The following NBPF3 variants were observed in gnomAD, a reference collection of about 807,000 sequenced individuals.
The protein encoded by NBPF3 is NBPF family member NBPF3.
Under a neutral mutation model 78.1 loss-of-function variants are expected in NBPF3, and 57 were observed. That is an observed-to-expected ratio of 0.73 (90% CI 0.59 to 0.91). The LOEUF is 0.91. NBPF3 is among the 40% of genes least tolerant of loss of function. NBPF3 has a pLI of 0.00. For synonymous variants in NBPF3, 182 were observed against 271.7 expected, an observed-to-expected ratio of 0.67 and a Z score of 3.25; for missense variants, 510 against 715.3, an observed-to-expected ratio of 0.71 and a Z score of 3.27.
rs551647037 is a variant in NBPF3 at position 21,458,044 on chromosome 1, A to G, written c.134-10644A>G. Among the ~76,000 whole-genome samples the G allele has an allele frequency of 3.5e-4, 53 of 152,366 alleles. 1 individual carries two copies. Among genetic ancestry groups the G allele is most frequent in the Non-Finnish European group, 3.5e-4 (24 of 68,038 alleles). Reference sequence around the variant, plus strand: ...AGAAGTGATTAAGTTCTTCTAATCTATAACTAAGGTCTGAGTCCTGAAGAC... The same window carrying G: ...AGAAGTGATTAAGTTCTTCTAATCTGTAACTAAGGTCTGAGTCCTGAAGAC... On this transcript the variant is annotated intron_variant, in intron 2 of 14. Coordinates refer to ENST00000318249, the MANE Select transcript of NBPF3 (RefSeq NM_032264.6).
intron 2 of NBPF3, chr1:21,446,000 T>C (rs909627251): frequency 6.6e-6 from 1 of 152,462 alleles, no homozygotes; most frequent in Non-Finnish European, 1.5e-5. Context: ...GAAAGGGGCA[T>C]GGCCCGTTTG....
intron 2 of NBPF3, chr1:21,446,486 C>CTTCT (rs1640983559): frequency 1.3e-5 from 2 of 148,840 alleles, no homozygotes; most frequent in Non-Finnish European, 3.0e-5. Context: ...TCCTTCCTTC[C>CTTCT]TTCCTTCCCT....
chr1:21,465,314 C>T (rs200904420), intron 2 of NBPF3, among the ~76,000 whole-genome samples: 23 of 151,658 alleles, frequency 1.5e-4, no homozygotes, highest in African/African-American at 5.1e-4. Flanking sequence ...AAATTGACTG[C>T]ACATCTGAGT....
At chr1:21,471,855 C>T in intron 5 of NBPF3, 72 bp downstream of exon 5, 1 of 1,571,194 alleles carries the variant, frequency 6.4e-7, no homozygotes, top group Non-Finnish European at 8.7e-7. Context: ...CATACTTTCA[C>T]AATGACATTT....
intron 2 of NBPF3, among the ~76,000 whole-genome samples, chr1:21,467,841 C>T (rs1307142022): frequency 2.6e-5 from 4 of 152,062 alleles, no homozygotes; most frequent in African/African-American, 9.7e-5. Flanking sequence ...CCAAATCAAC[C>T]CACATAGAGG....
chr1:21,453,953 T>G (rs1305003335), intron 2 of NBPF3: 1 of 152,216 alleles, frequency 6.6e-6, no homozygotes, highest in Non-Finnish European at 1.5e-5. Context: ...AGGGAAATAC[T>G]CAGAGCTTCT....
rs1394079734 is a variant in NBPF3 at position 21,474,809 on chromosome 1, T to C, written c.941-91T>C. 9.2e-6 allele frequency: 11 copies of C among 1,196,254 alleles called. No individual in the cohort carries two copies. In the South Asian group the frequency reaches 9.6e-5, roughly 10 times the overall value. The allele number at this position is 1,196,254 out of a possible 1,614,324, so 74.1% of individuals were successfully genotyped here. ...ATCCATATTCTTGCACTGAGAATAG[T>C]TATGTCCTTGTCCTATGACTGGACA... On this transcript the variant is annotated intron_variant, in intron 7 of 14. Transcript: ENST00000318249.
chr1:21,459,093 C>T (rs1009872318), intron 2 of NBPF3, among the ~76,000 whole-genome samples: 1 of 152,078 alleles, frequency 6.6e-6, no homozygotes, highest in Non-Finnish European at 1.5e-5. Context: ...TTAAAGAAGA[C>T]TAAATAGAGA....
intron 12 of NBPF3, among the ~76,000 whole-genome samples, 195 bp from the exon 13 acceptor site, chr1:21,481,395 TCTCTGTC>T (rs1643219712): frequency 5.2e-5 from 1 of 19,062 alleles, no homozygotes; most frequent in Admixed American, 1.1e-3. Context: ...TGCCTCTGTC[TCTCTGTC>T]TCTCTGTCTT....
At chr1:21,468,923 A>G (rs1399594521) in intron 3 of NBPF3, 26 bp downstream of exon 3, 1 of 1,533,586 alleles carries the variant, frequency 6.5e-7, no homozygotes, top group South Asian at 1.1e-5. Context: ...TCACCATCAC[A>G]AAAGCGATGA....
chr1:21,461,239 T>G (rs1243378744), intron 2 of NBPF3, among the ~76,000 whole-genome samples: 1 of 152,094 alleles, frequency 6.6e-6, no homozygotes, highest in African/African-American at 2.4e-5. Flanking sequence ...AGTATGTCCA[T>G]TCACAGAAAT....
At chr1:21,458,095 A>C (rs1356259647) in intron 2 of NBPF3, among the ~76,000 whole-genome samples, 1 of 152,204 alleles carries the variant, frequency 6.6e-6, no homozygotes, top group Non-Finnish European at 1.5e-5. Flanking sequence ...CAGTAAATTC[A>C]CTTAATCTAA....
intron 2 of NBPF3, among the ~76,000 whole-genome samples, chr1:21,454,709 A>T (rs1046431891): frequency 2.0e-5 from 3 of 152,254 alleles, no homozygotes; most frequent in Admixed American, 1.3e-4. Context: ...CAACCATATC[A>T]GCATACAGGC....
chr1:21,468,210 G>A (rs1000086872), intron 2 of NBPF3: 5 of 197,508 alleles, frequency 2.5e-5, no homozygotes, highest in Non-Finnish European at 3.9e-5. Flanking sequence ...ACAAACAAGC[G>A]ATAAACAATG....
chr1:21,439,979 TC>T (rs1640521820), upstream of NBPF3: 2 of 152,326 alleles, frequency 1.3e-5, no homozygotes, highest in Admixed American at 1.3e-4. Flanking sequence ...ACTCCTTTTC[TC>T]GGCCCGCAGG....
rs1642029300 is a variant in NBPF3 at position 21,462,877 on chromosome 1, G to C, written c.134-5811G>C. On this transcript the variant is annotated intron_variant, in intron 2 of 14. Transcript: ENST00000318249. ...ATACTACCTAAGTAACAGGATAGTT[G>C]ATAGATTTAAATATGATCGCATGGC... Among the ~76,000 whole-genome samples, 8 of 152,320 alleles carry C rather than the reference G, an allele frequency of 5.3e-5. No individual in the cohort carries two copies. The South Asian group carries it at 1.7e-3, about 32-fold the overall frequency.
At chr1:21,449,605 C>T (rs938801906) in intron 2 of NBPF3, among the ~76,000 whole-genome samples, 4 of 151,810 alleles carry the variant, frequency 2.6e-5, no homozygotes, top group Non-Finnish European at 4.4e-5. Context: ...TGAGTAGCTG[C>T]GATTACAGGC....
At chr1:21,449,076 C>T (rs1442341919) in intron 2 of NBPF3, among the ~76,000 whole-genome samples, 2 of 152,198 alleles carry the variant, frequency 1.3e-5, no homozygotes, top group African/African-American at 4.8e-5. Flanking sequence ...CACATTTTAT[C>T]GCTTCCCCAA....
intron 2 of NBPF3, among the ~76,000 whole-genome samples, chr1:21,462,733 A>C (rs928079618): frequency 6.6e-6 from 1 of 152,236 alleles, no homozygotes; most frequent in Non-Finnish European, 1.5e-5. Context: ...CTAATGGTAC[A>C]AGGTTAGCTT....
Sources: gnomAD v4.1 joint callset for allele counts (sites outside exome capture counted in the v4.1 genomes callset) on GRCh38, gnomAD v4.1.1 for gene constraint, MANE v1.5 for transcripts, NCBI Gene and HGNC (gene_info 2026-07-23, HGNC 2026-07-21) for gene names.